Variants in F13A1 observed in about 807,000 individuals in gnomAD.
The protein encoded by F13A1 is coagulation factor XIII A chain.
F13A1 carries 47 observed loss-of-function variants against 80.1 expected under a neutral mutation model. The ratio of observed to expected loss-of-function variants is 0.59; its 90% CI spans 0.46 to 0.75. The LOEUF (loss-of-function observed/expected upper bound fraction) is 0.75, where lower values mean the gene tolerates loss of function less well. F13A1 is among the 30% of genes least tolerant of loss of function. F13A1 has a pLI of 0.00. For missense variants in F13A1, 817 were observed against 930.4 expected, an observed-to-expected ratio of 0.88 and a Z score of 1.59; for synonymous variants, 349 against 344.9, an observed-to-expected ratio of 1.01 and a Z score of -0.13.
At chr6:6,283,547 T>C (rs1412047987) in intron 3 of F13A1, among the ~76,000 whole-genome samples, 1 of 152,210 alleles carries the variant, frequency 6.6e-6, no homozygotes, top group Non-Finnish European at 1.5e-5. Flanking sequence ...AACAGTTCTT[T>C]GTATGGTTTG....
At chr6:6,257,564 G>A (rs1185100102) in intron 4 of F13A1, among the ~76,000 whole-genome samples, 6 of 152,076 alleles carry the variant, frequency 3.9e-5, no homozygotes, top group African/African-American at 1.4e-4. Context: ...TGGTATCCTC[G>A]AAATAACAAT....
chr6:6,310,488 C>A (rs1029406711), intron 2 of F13A1, among the ~76,000 whole-genome samples: 4 of 152,146 alleles, frequency 2.6e-5, no homozygotes, highest in Non-Finnish European at 5.9e-5. Context: ...ACACCAAGTA[C>A]ATTCTTAATA....
At chr6:6,146,899 G>A (rs1437037364) in intron 14 of F13A1, among the ~76,000 whole-genome samples, 1 of 152,126 alleles carries the variant, frequency 6.6e-6, no homozygotes, top group Non-Finnish European at 1.5e-5. Flanking sequence ...CAAAAATATG[G>A]AACCAGCCCA....
intron 8 of F13A1, among the ~76,000 whole-genome samples, chr6:6,204,705 AAAAACTTGTTAGGAAATATAAT>A (rs1407561295): frequency 6.6e-6 from 1 of 152,250 alleles, no homozygotes; most frequent in Non-Finnish European, 1.5e-5. Context: ...GGACTTAGAA[AAAAACTTGTTAGGAAATATAAT>A]GAAGGAAGAT....
intron 2 of F13A1, among the ~76,000 whole-genome samples, chr6:6,310,149 C>G (rs1228839297): frequency 6.6e-6 from 1 of 152,106 alleles, no homozygotes; most frequent in Non-Finnish European, 1.5e-5. Context: ...GGGATATTGA[C>G]AGGTATTGGA....
chr6:6,307,367 T>C (rs1318892573), intron 2 of F13A1, among the ~76,000 whole-genome samples: 2 of 152,342 alleles, frequency 1.3e-5, no homozygotes, highest in East Asian at 3.9e-4. Context: ...GAGCTAAAGA[T>C]GTTTAATTCT....
intron 4 of F13A1, among the ~76,000 whole-genome samples, chr6:6,253,968 C>T (rs986768838): frequency 1.3e-5 from 2 of 152,078 alleles, no homozygotes; most frequent in Admixed American, 6.5e-5. Flanking sequence ...CTCTCCCTGA[C>T]GATCTTTATT....
Position 6,295,986 on chromosome 6 carries a change from C to T in F13A1, c.319+9365G>A, listed in dbSNP as rs1758320329. ...TATGGCTAGCCAGTTTTCCCAGCACCATTTATTAAATAGGGAATCCTTTCC... is the reference window on the plus strand; with the variant it reads ...TATGGCTAGCCAGTTTTCCCAGCACTATTTATTAAATAGGGAATCCTTTCC... On this transcript the variant is annotated intron_variant, in intron 3 of 14. Coordinates refer to ENST00000264870, the MANE Select transcript of F13A1 (RefSeq NM_000129.4). Among the ~76,000 whole-genome samples the T allele has an allele frequency of 2.1e-5, 3 of 141,824 alleles. No individual in the cohort carries two copies. The South Asian group carries it at 6.5e-4, about 31-fold the overall frequency. The allele number at this position is 141,824 out of a possible 152,430, so 93.0% of individuals were successfully genotyped here.
chr6:6,165,573 G>A (rs1221641550), intron 13 of F13A1, among the ~76,000 whole-genome samples: 1 of 152,150 alleles, frequency 6.6e-6, no homozygotes, highest in Non-Finnish European at 1.5e-5. Flanking sequence ...AAGGTTCAGG[G>A]TTGAGCTCAT....
At chr6:6,275,462 C>T (rs958724757) in intron 3 of F13A1, among the ~76,000 whole-genome samples, 7 of 152,076 alleles carry the variant, frequency 4.6e-5, no homozygotes, top group African/African-American at 1.7e-4. Flanking sequence ...CTCCACCTTC[C>T]AGGTTCAAGC....
At chr6:6,268,937 C>T (rs199957516) in intron 3 of F13A1, among the ~76,000 whole-genome samples, 12 of 150,968 alleles carry the variant, frequency 7.9e-5, no homozygotes, top group Non-Finnish European at 1.0e-4. Flanking sequence ...TGTTCCCCCC[C>T]GCCTCAGCCT....
chr6:6,241,303 C>T (rs1757480883), intron 6 of F13A1, among the ~76,000 whole-genome samples: 1 of 152,066 alleles, frequency 6.6e-6, no homozygotes, highest in East Asian at 1.9e-4. Flanking sequence ...GCTGTTGTCG[C>T]TTTTATAAAA....
chr6:6,217,791 A>G (rs1400518008), intron 8 of F13A1, among the ~76,000 whole-genome samples: 5 of 152,238 alleles, frequency 3.3e-5, no homozygotes, highest in African/African-American at 1.2e-4. Context: ...CATAATGAGA[A>G]TTAGGATTAT....
intron 12 of F13A1, among the ~76,000 whole-genome samples, chr6:6,170,660 G>A (rs1760756734): frequency 6.6e-6 from 1 of 152,130 alleles, no homozygotes; most frequent in African/African-American, 2.4e-5. Flanking sequence ...TAGCACCTTT[G>A]AAGGTACGGA....
In F13A1 at chr6:6,144,226, A is replaced by G. The variant is rs1170561943; in HGVS notation, c.*1393T>C. 1 of 152,204 alleles carries G rather than the reference A, an allele frequency of 6.6e-6. No individual in the cohort carries two copies. Among genetic ancestry groups the G allele is most frequent in the Non-Finnish European group, 1.5e-5 (1 of 68,036 alleles). 9.4% of individuals were successfully genotyped at this position (152,204 alleles called of 1,614,324 possible). On this transcript the variant is annotated 3_prime_UTR_variant, in exon 15 of 15. Transcript: ENST00000264870. ...GAGACTTGGCAAATGCTGTGAGATT[A>G]CTTAGTAAAGTTAAGTATGATGTAT...
chr6:6,236,319 T>G (rs1472087576), intron 6 of F13A1, among the ~76,000 whole-genome samples: 1 of 152,128 alleles, frequency 6.6e-6, no homozygotes, highest in African/African-American at 2.4e-5. Context: ...AATAAAGCTG[T>G]GAAAATCAAT....
intron 4 of F13A1, among the ~76,000 whole-genome samples, chr6:6,253,781 G>A (rs796181596): frequency 5.3e-5 from 8 of 152,308 alleles, no homozygotes; most frequent in African/African-American, 1.9e-4. Flanking sequence ...AGCTAGATGT[G>A]TATTAAATCT....
chr6:6,161,553 A>T (rs10685160), intron 13 of F13A1, among the ~76,000 whole-genome samples: 58,967 of 115,758 alleles, frequency 0.51, 12,469 homozygotes, highest in African/African-American at 0.6. Context: ...TGTGTGTGTG[A>T]GAGAGAGAGA....
intron 13 of F13A1, among the ~76,000 whole-genome samples, chr6:6,164,410 T>G (rs1760628919): frequency 6.6e-6 from 1 of 151,774 alleles, no homozygotes; most frequent in African/African-American, 2.4e-5. Context: ...CTGGGTGATG[T>G]AACAATATGT....
Sources: allele counts gnomAD v4.1 joint callset (sites outside exome capture counted in the v4.1 genomes callset), GRCh38; gene constraint gnomAD v4.1.1; transcripts MANE v1.5; gene names NCBI Gene and HGNC (gene_info 2026-07-23, HGNC 2026-07-21).